Variants in DENND2B observed in about 807,000 individuals in gnomAD.
The protein encoded by DENND2B is DENN domain-containing protein 2B.
Under a neutral mutation model 116.0 loss-of-function variants are expected in DENND2B, and 32 were observed. The ratio of observed to expected loss-of-function variants is 0.28; its 90% CI spans 0.21 to 0.37. The LOEUF is 0.37. DENND2B is among the 10% of genes least tolerant of loss of function. DENND2B has a pLI of 1.00. For missense variants in DENND2B, 1,276 were observed against 1,477.7 expected (o/e 0.86, Z 2.24); for synonymous variants, 588 against 583.9 (o/e 1.01, Z -0.10).
At chr11:8,695,627 T>A in intron 18 of DENND2B, 78 bp from the exon 19 acceptor site, 1 of 1,249,300 alleles carries the variant, frequency 8.0e-7, no homozygotes, top group Non-Finnish European at 1.2e-6. Context: ...AAGGGAACCA[T>A]GGAGCACAGA....
At chr11:8,806,607 C>CACACACACACACACACACACAT in intron 1 of DENND2B, among the ~76,000 whole-genome samples, 1 of 148,874 alleles carries the variant, frequency 6.7e-6, no homozygotes, top group Non-Finnish European at 1.5e-5. Flanking sequence ...CCCTTCAAAA[C>CACACACACACACACACACACAT]ACACACACAC....
In DENND2B at chr11:8,743,947, C is replaced by T. The variant is rs1341912818; in HGVS notation, c.80+6674G>A. Among the ~76,000 whole-genome samples, 19 of 151,676 alleles carry T rather than the reference C, an allele frequency of 1.3e-4. 2 individuals are homozygous for T. In the East Asian group the frequency reaches 3.5e-3, roughly 28 times the overall value. On this transcript the variant is annotated intron_variant, in intron 2 of 19. Transcript: ENST00000313726. ...TTGTAGAGATGGGGGCGGGGTCTCA[C>T]TATGTCGCCCAGGCTGGTATCGAAC... is the stretch of plus-strand genomic sequence containing the variant.
chr11:8,819,016 C>T (rs1324479753), intron 4 of DENND2B, among the ~76,000 whole-genome samples: 1 of 152,182 alleles, frequency 6.6e-6, no homozygotes. Flanking sequence ...CTACTAACCT[C>T]ATTATTACCA....
intron 4 of DENND2B, among the ~76,000 whole-genome samples, chr11:8,827,483 A>C (rs1489242363): frequency 6.6e-6 from 1 of 152,206 alleles, no homozygotes; most frequent in Non-Finnish European, 1.5e-5. Context: ...GCCATCAGTA[A>C]TGCATGACAC....
At chr11:8,826,471 G>A (rs763164295) in intron 4 of DENND2B, among the ~76,000 whole-genome samples, 28 of 152,212 alleles carry the variant, frequency 1.8e-4, no homozygotes, top group Non-Finnish European at 3.5e-4. Context: ...TAGATGGTAG[G>A]AATGCAGCAT....
intron 3 of DENND2B, among the ~76,000 whole-genome samples, chr11:8,854,015 A>ATTTTT: frequency 2.0e-5 from 1 of 50,226 alleles, no homozygotes; most frequent in Admixed American, 2.4e-4. Flanking sequence ...TGCCCCAGTT[A>ATTTTT]ATTTTTTTTT....
intron 3 of DENND2B, among the ~76,000 whole-genome samples, chr11:8,842,782 T>C (rs1268069583): frequency 6.6e-6 from 1 of 152,206 alleles, no homozygotes; most frequent in Non-Finnish European, 1.5e-5. Context: ...AAGAATTCCC[T>C]GTAATTCCCT....
chr11:8,872,900 G>A (rs1237135707), upstream of DENND2B, among the ~76,000 whole-genome samples: 1 of 152,186 alleles, frequency 6.6e-6, no homozygotes, highest in East Asian at 1.9e-4. Flanking sequence ...CAATCTAAGT[G>A]AGTTTCTACT....
chr11:8,763,160 A>G (rs2054994081), intron 1 of DENND2B, among the ~76,000 whole-genome samples: 1 of 152,244 alleles, frequency 6.6e-6, no homozygotes, highest in African/African-American at 2.4e-5. Context: ...TTAGTCATCA[A>G]CAAAATGCAA....
In DENND2B at chr11:8,715,707, G is replaced by T; in HGVS notation, c.1741C>A (p.Leu581Met). ...GAGGACGGCAGACTCAGCTGAGCCA[G>T]CAGCAGCATGTCGTCATGGCTGTGC... ...KRHSHDDMLLLAQLSLPSSPS... is the reference protein window; with the variant it reads ...KRHSHDDMLLMAQLSLPSSPS... Residue 581 changes from leucine to methionine, a missense_variant, in exon 6 of 20, where the codon CTG (leucine) becomes ATG (methionine). By Grantham distance (15) the Leu-to-Met change is conservative. Around this residue, in one of 2 missense-constraint regions of DENND2B, gnomAD observed 856 missense variants for 846.6 expected, o/e 1.01. Transcript: ENST00000313726. 4 of 1,614,230 alleles carry T rather than the reference G, an allele frequency of 2.5e-6. No individual in the cohort carries two copies. Among genetic ancestry groups the T allele is most frequent in the East Asian group, 2.2e-5 (1 of 44,888 alleles).
At chr11:8,722,360 C>T (rs1435090131) in intron 4 of DENND2B, among the ~76,000 whole-genome samples, 2 of 152,214 alleles carry the variant, frequency 1.3e-5, no homozygotes, top group African/African-American at 2.4e-5. Flanking sequence ...GAGCACTAGG[C>T]TCTCTGCCTC....
chr11:8,806,605 A>AAAACACACACACAC (rs372362474), intron 1 of DENND2B, among the ~76,000 whole-genome samples: 2 of 118,494 alleles, frequency 1.7e-5, no homozygotes, highest in African/African-American at 3.1e-5. Flanking sequence ...CTCCCTTCAA[A>AAAACACACACACAC]ACACACACAC....
intron 4 of DENND2B, among the ~76,000 whole-genome samples, chr11:8,836,413 CTTTTT>C (rs67181023): frequency 1.1e-3 from 85 of 77,552 alleles, no homozygotes; most frequent in African/African-American, 3.3e-3. Flanking sequence ...TTCTGTACTT[CTTTTT>C]TTTTTTTTTT....
chr11:8,903,770 T>C (rs886224958), intron 1 of DENND2B, among the ~76,000 whole-genome samples: 1 of 151,196 alleles, frequency 6.6e-6, no homozygotes, highest in Non-Finnish European at 1.5e-5. Flanking sequence ...ATGCCTGTAG[T>C]CCCAGCTACT....
At chr11:8,717,224 T>C (rs1035262574) in intron 5 of DENND2B, among the ~76,000 whole-genome samples, 1 of 152,186 alleles carries the variant, frequency 6.6e-6, no homozygotes. Flanking sequence ...GATTCATGCT[T>C]ACTCTCTCCC....
chr11:8,842,885 T>C (rs901972158), intron 3 of DENND2B, among the ~76,000 whole-genome samples: 1 of 152,192 alleles, frequency 6.6e-6, no homozygotes, highest in African/African-American at 2.4e-5. Flanking sequence ...CGTAAATGCA[T>C]ACATTCAGTT....
At position 8,887,305 on chromosome 11, in the gene DENND2B, C is replaced by A. The variant is rs1033566163; in HGVS notation, c.-255-6196G>T. ...ACAAGTGCTAGCAATAATGCTTAGG[C>A]AGGTTAAACAATTTGGTTGTAGTCA... On this transcript the variant is annotated intron_variant, in intron 1 of 22. Transcript: ENST00000534127. Among the ~76,000 whole-genome samples, 5 of 152,216 alleles carry A rather than the reference C, an allele frequency of 3.3e-5. No homozygotes were observed. The South Asian group carries it at 1.0e-3, about 32-fold the overall frequency.
chr11:8,782,653 A>C (rs946432447), intron 1 of DENND2B, among the ~76,000 whole-genome samples: 1 of 152,056 alleles, frequency 6.6e-6, no homozygotes, highest in Non-Finnish European at 1.5e-5. Context: ...TTGGGAGGCC[A>C]AGGCAGGCAG....
At chr11:8,871,009 C>A (rs1438887731) in exon 2 of DENND2B, 1 of 152,008 alleles carries the variant, frequency 6.6e-6, no homozygotes, top group African/African-American at 2.4e-5. Context: ...TCGCCGGGAG[C>A]CGCGCGGCCC....
Sources: allele counts gnomAD v4.1 joint callset (sites outside exome capture counted in the v4.1 genomes callset), GRCh38; gene constraint gnomAD v4.1.1; regional missense constraint gnomAD v4.1.1; transcripts MANE v1.5; gene names NCBI Gene and HGNC (gene_info 2026-07-23, HGNC 2026-07-21).